The following PACS2 variants were observed in gnomAD, a reference collection of about 807,000 sequenced individuals.
PACS2 encodes the protein PACS1-like protein.
PACS2 carries 36 observed loss-of-function variants against 113.0 expected under a neutral mutation model. That is an observed-to-expected ratio of 0.32 (90% CI 0.24 to 0.42). The LOEUF (loss-of-function observed/expected upper bound fraction) is 0.42. Among genes scored for constraint, PACS2 ranks in the 10% least tolerant of loss-of-function variants. The pLI, the probability that PACS2 is intolerant of heterozygous loss-of-function variation, is 1.00. For synonymous variants in PACS2, 589 were observed against 536.1 expected, an observed-to-expected ratio of 1.10 and a Z score of -1.36; for missense variants, 1,015 against 1,239.5, an observed-to-expected ratio of 0.82 and a Z score of 2.72.
rs921142031 is a variant in PACS2 at position 105,356,975 on chromosome 14, G to T, written c.423+1798G>T. The stretch of plus-strand genomic sequence containing the variant: ...GGTCCCTGTGTTTCCCATTAGCCAT[G>T]CAGGCGATGTCCTGCTGATCCCTGC... On this transcript the variant is annotated intron_variant, in intron 4 of 24. Transcript: ENST00000447393. The surrounding 1 kb of genome is among the most constrained non-coding windows in gnomAD (Gnocchi z 4.0). Among the ~76,000 whole-genome samples the T allele has an allele frequency of 4.1e-4, 62 of 149,814 alleles. No individual in the cohort carries two copies. Among genetic ancestry groups the T allele is most frequent in the Non-Finnish European group, 6.8e-4 (46 of 67,378 alleles).
At chr14:105,311,126 G>T (rs753573310), upstream of PACS2, among the ~76,000 whole-genome samples, 3 of 152,062 alleles carry the variant, frequency 2.0e-5, no homozygotes, top group Non-Finnish European at 2.9e-5. Flanking sequence ...CTAATTTTTT[G>T]TATTTTTAGT....
chr14:105,318,784 G>A (rs1326419052), intron 1 of PACS2, among the ~76,000 whole-genome samples: 18 of 149,776 alleles, frequency 1.2e-4, no homozygotes, highest in Non-Finnish European at 1.2e-4. Flanking sequence ...TCAGCCTCCC[G>A]AGTAGCTGGG....
intron 1 of PACS2, among the ~76,000 whole-genome samples, chr14:105,322,023 C>T (rs1426828703): frequency 2.0e-5 from 3 of 151,588 alleles, no homozygotes; most frequent in East Asian, 3.9e-4. Flanking sequence ...ACTGCAACCT[C>T]TCCTCCCGGG....
chr14:105,336,001 G>A (rs903869870), intron 1 of PACS2, among the ~76,000 whole-genome samples: 2 of 152,220 alleles, frequency 1.3e-5, no homozygotes, highest in Non-Finnish European at 2.9e-5. Context: ...TGAGCATGTG[G>A]AGCACCAGCC....
intron 1 of PACS2, among the ~76,000 whole-genome samples, chr14:105,345,675 G>C (rs782609359): frequency 6.6e-6 from 1 of 152,168 alleles, no homozygotes; most frequent in African/African-American, 2.4e-5. Flanking sequence ...CTAGTCTAAC[G>C]CCATTTTGGT....
At chr14:105,301,519 A>G (rs1041301559) in intron 1 of PACS2, among the ~76,000 whole-genome samples, 6 of 151,926 alleles carry the variant, frequency 3.9e-5, no homozygotes, top group African/African-American at 1.4e-4. Context: ...GGGCGGGGCC[A>G]GGGCAGCTGC....
chr14:105,392,876 G>C, intron 23 of PACS2, 31 bp downstream of exon 23: 1 of 1,500,608 alleles, frequency 6.7e-7, no homozygotes, highest in East Asian at 2.3e-5. Flanking sequence ...AGGCCACACG[G>C]CGCAGAAGGG....
In PACS2 at chr14:105,317,615, GT is replaced by G. The variant is rs200886983; in HGVS notation, c.119+2587del. On this transcript the variant is annotated intron_variant, in intron 1 of 24. Transcript: ENST00000447393. The surrounding 1 kb of genome is among the most constrained non-coding windows in gnomAD (Gnocchi z 4.2). ...CAGTGAAATTCCTGTTCCTTTGCCA[GT>G]TTTTTTTTCTCTTTTTTTCTGCTTG... Among the ~76,000 whole-genome samples, 2,760 of 151,722 alleles carry G rather than the reference GT, an allele frequency of 0.018. 86 individuals carry two copies. The highest frequency in any genetic ancestry group is 0.061 in the African/African-American group (2,531 of 41,368).
intron 1 of PACS2, among the ~76,000 whole-genome samples, chr14:105,335,383 GCT>G (rs1275503641): frequency 1.0e-4 from 15 of 147,466 alleles, no homozygotes; most frequent in African/African-American, 2.9e-4. Context: ...GCCTGGCGTG[GCT>G]CTGACGCTGT....
At position 105,315,880 on chromosome 14, in the gene PACS2, G is replaced by A. The variant is rs1407192365; in HGVS notation, c.119+843G>A. Among the ~76,000 whole-genome samples, 1 of 152,256 alleles carries A rather than the reference G, an allele frequency of 6.6e-6. No homozygotes were observed. The highest frequency in any genetic ancestry group is 1.5e-5 in the Non-Finnish European group (1 of 68,046). ...GTTCTGGTTCTAGAATAGACAGCAG[G>A]CGAGAAGAGGAGGCGGTTGGGGGTA... On this transcript the variant is annotated intron_variant, in intron 1 of 24. Transcript: ENST00000447393. This position sits in a 1 kb window ranked among gnomAD's most constrained non-coding sequence, Gnocchi z 4.4.
At position 105,324,175 on chromosome 14, in the gene PACS2, G is replaced by C. The variant is rs2059006523; in HGVS notation, c.119+9138G>C. On this transcript the variant is annotated intron_variant, in intron 1 of 24. Transcript: ENST00000447393. The surrounding 1 kb of genome is among the most constrained non-coding windows in gnomAD (Gnocchi z 4.7). ...CATTCTCAGCATGCGTCTCAGGAAGGTTTGATGGAGTGGGCAGCTGCGGTG... is the reference window on the plus strand; with the variant it reads ...CATTCTCAGCATGCGTCTCAGGAAGCTTTGATGGAGTGGGCAGCTGCGGTG... Among the ~76,000 whole-genome samples, 1 of 152,214 alleles carries C rather than the reference G, an allele frequency of 6.6e-6. No individual in the cohort carries two copies. Among genetic ancestry groups the C allele is most frequent in the Admixed American group, 6.5e-5 (1 of 15,284 alleles).
In PACS2 at chr14:105,354,541, AC is replaced by A. The variant is rs1555404915; in HGVS notation, c.298-509del. Among the ~76,000 whole-genome samples the A allele has an allele frequency of 6.6e-6, 1 of 152,188 alleles. No individual in the cohort carries two copies. Among genetic ancestry groups the A allele is most frequent in the Non-Finnish European group, 1.5e-5 (1 of 68,030 alleles). On this transcript the variant is annotated intron_variant, in intron 3 of 24. Coordinates refer to ENST00000447393, the MANE Select transcript of PACS2 (RefSeq NM_001100913.3). This position sits in a 1 kb window ranked among gnomAD's most constrained non-coding sequence, Gnocchi z 4.2. Reference sequence around the variant, plus strand: ...TGTGAACTCTGAGTGTCTAAGAGATACCTGTGAACATCAGCTTGCTGGAGCC... The same window carrying A: ...TGTGAACTCTGAGTGTCTAAGAGATACTGTGAACATCAGCTTGCTGGAGCC...
chr14:105,320,241 G>T (rs1433776960), intron 1 of PACS2, among the ~76,000 whole-genome samples: 4 of 152,196 alleles, frequency 2.6e-5, no homozygotes, highest in Non-Finnish European at 5.9e-5. Flanking sequence ...CTCCCAAAGT[G>T]CTGGGATTAC....
chr14:105,326,790 C>T (rs763518006), intron 1 of PACS2, among the ~76,000 whole-genome samples: 102 of 152,186 alleles, frequency 6.7e-4, no homozygotes, highest in Non-Finnish European at 1.0e-3. Flanking sequence ...ATGAGCTCCA[C>T]GTTCACCCTG....
chr14:105,317,719 CTT>C lies in PACS2; in HGVS notation c.119+2684_119+2685del, dbSNP rs2058731618. On this transcript the variant is annotated intron_variant, in intron 1 of 24. Transcript: ENST00000447393. This position sits in a 1 kb window ranked among gnomAD's most constrained non-coding sequence, Gnocchi z 4.2. Reference sequence around the variant, plus strand: ...TGTCCCCGTCCAGTTATGAGCGAGTCTTTGCTCTCTGAGCAGCCTCTGGGTGC... The same window carrying C: ...TGTCCCCGTCCAGTTATGAGCGAGTCTGCTCTCTGAGCAGCCTCTGGGTGC... Among the ~76,000 whole-genome samples, 1 of 152,116 alleles carries C rather than the reference CTT, an allele frequency of 6.6e-6. No homozygotes were observed. Among genetic ancestry groups the C allele is most frequent in the African/African-American group, 2.4e-5 (1 of 41,406 alleles).
rs139858790 is a variant in PACS2, at chr14:105,354,743, G to A, written c.298-309G>A. Among the ~76,000 whole-genome samples, 14 of 152,362 alleles carry A rather than the reference G, an allele frequency of 9.2e-5. No homozygotes were observed. Among genetic ancestry groups the A allele is most frequent in the African/African-American group, 2.4e-4 (10 of 41,586 alleles). Reference sequence around the variant, plus strand: ...ACTGTTTCCGAGTGTCCACAGGCGCGCTCGGCCATCCCGGACACTGCAGCA... The same window carrying A: ...ACTGTTTCCGAGTGTCCACAGGCGCACTCGGCCATCCCGGACACTGCAGCA... On this transcript the variant is annotated intron_variant, in intron 3 of 24. Coordinates refer to ENST00000447393, the MANE Select transcript of PACS2 (RefSeq NM_001100913.3). This position sits in a 1 kb window ranked among gnomAD's most constrained non-coding sequence, Gnocchi z 4.2.
At position 105,377,086 on chromosome 14, in the gene PACS2, C is replaced by T. The variant is rs149455716; in HGVS notation, c.959+161C>T. 7.6e-4 allele frequency among the ~76,000 whole-genome samples: 115 copies of T among 152,270 alleles called. 3 individuals are homozygous for T. The East Asian group carries it at 0.015, about 20-fold the overall frequency. On this transcript the variant is annotated intron_variant, in intron 9 of 24. Coordinates refer to ENST00000447393, the MANE Select transcript of PACS2 (RefSeq NM_001100913.3). ...TCTGGTGGCTGGAAGGAGGGGTGTG[C>T]GGCTGCCTGGCAGGCCCAGGCTACG... is the stretch of plus-strand genomic sequence containing the variant.
At chr14:105,371,561 T>C (rs1276991892) in intron 8 of PACS2, 1 of 152,118 alleles carries the variant, frequency 6.6e-6, no homozygotes, top group African/African-American at 2.4e-5. Flanking sequence ...TGGGATCTCT[T>C]TCCGTATTTT....
chr14:105,337,053 G>C (rs587643879), intron 1 of PACS2, among the ~76,000 whole-genome samples: 1 of 152,346 alleles, frequency 6.6e-6, no homozygotes, highest in South Asian at 2.1e-4. Flanking sequence ...TGGGCCCTCG[G>C]TCAGCACCGC....
Sources: gnomAD v4.1 joint callset for allele counts (sites outside exome capture counted in the v4.1 genomes callset) on GRCh38, gnomAD v4.1.1 for gene constraint, Gnocchi (gnomAD v3.1) non-coding constraint, MANE v1.5 for transcripts, NCBI Gene and HGNC (gene_info 2026-07-23, HGNC 2026-07-21) for gene names.